ULK4: variants seen among roughly 807,000 people sequenced by gnomAD.
ULK4 encodes unc-51 like kinase 4.
In ULK4, 133 loss-of-function variants were observed where a neutral mutation model predicts 160.6. The ratio of observed to expected loss-of-function variants is 0.83; its 90% CI spans 0.72 to 0.96. The LOEUF (loss-of-function observed/expected upper bound fraction) is 0.96. Ranked by LOEUF, ULK4 falls within the 40% of genes least tolerant of loss-of-function variation. The pLI is 0.00. For synonymous variants in ULK4, 534 were observed against 539.8 expected (o/e 0.99, Z 0.15); for missense variants, 1,580 against 1,499.5 (o/e 1.05, Z -0.89).
intron 35 of ULK4, among the ~76,000 whole-genome samples, chr3:41,274,318 C>T (rs930117158): frequency 6.6e-6 from 1 of 152,070 alleles, no homozygotes; most frequent in South Asian, 2.1e-4. Context: ...GTGATATTTC[C>T]AGGTTTCACT....
intron 22 of ULK4, among the ~76,000 whole-genome samples, chr3:41,722,026 C>T (rs1225503149): frequency 6.6e-6 from 1 of 152,150 alleles, no homozygotes; most frequent in Non-Finnish European, 1.5e-5. Context: ...CACTTTCAGA[C>T]AGTGTGATCT....
chr3:41,947,252 G>A (rs1319105995), intron 2 of ULK4, among the ~76,000 whole-genome samples: 8 of 152,106 alleles, frequency 5.3e-5, no homozygotes, highest in African/African-American at 1.2e-4. Flanking sequence ...CGGAGCTTGC[G>A]GTGAGCCGAG....
At chr3:41,545,713 T>C (rs1015872965) in intron 32 of ULK4, among the ~76,000 whole-genome samples, 6 of 151,914 alleles carry the variant, frequency 3.9e-5, no homozygotes, top group African/African-American at 1.5e-4. Context: ...TTTAAATTCT[T>C]TTTCTGCCCC....
intron 18 of ULK4, among the ~76,000 whole-genome samples, chr3:41,832,751 TG>T (rs1385085558): frequency 6.6e-6 from 1 of 152,252 alleles, no homozygotes; most frequent in Non-Finnish European, 1.5e-5. Context: ...TTCAGTTTTC[TG>T]CATATGGCTG....
intron 7 of ULK4, among the ~76,000 whole-genome samples, chr3:41,916,938 C>T (rs1476851582): frequency 6.6e-6 from 1 of 151,902 alleles, no homozygotes; most frequent in Non-Finnish European, 1.5e-5. Context: ...GAACTCTTGA[C>T]CTCAGGTGAT....
intron 31 of ULK4, 103 bp downstream of exon 31, chr3:41,615,566 T>C: frequency 9.0e-7 from 1 of 1,114,136 alleles, no homozygotes; most frequent in Non-Finnish European, 1.3e-6. Context: ...CGTACAATCC[T>C]TCAGGGCAGA....
chr3:41,868,366 T>C (rs1696971806), intron 17 of ULK4, among the ~76,000 whole-genome samples: 1 of 152,252 alleles, frequency 6.6e-6, no homozygotes, highest in South Asian at 2.1e-4. Context: ...ACTCCCTTAA[T>C]TTCTACTGTT....
intron 21 of ULK4, chr3:41,767,000 G>C (rs2039187213): frequency 6.6e-6 from 1 of 152,124 alleles, no homozygotes; most frequent in Non-Finnish European, 1.5e-5. Context: ...CAGTGTGCTT[G>C]GCTAACTGTG....
At chr3:41,841,677 T>C (rs1324406263) in intron 17 of ULK4, among the ~76,000 whole-genome samples, 1 of 150,930 alleles carries the variant, frequency 6.6e-6, no homozygotes, top group Non-Finnish European at 1.5e-5. Flanking sequence ...ATGATGACGA[T>C]GGCGGTTTTG....
chr3:41,877,551 G>A (rs972723153), intron 17 of ULK4, among the ~76,000 whole-genome samples: 1 of 151,892 alleles, frequency 6.6e-6, no homozygotes, highest in Non-Finnish European at 1.5e-5. Context: ...GGTCTCGAAC[G>A]CCTGAACTCA....
intron 35 of ULK4, among the ~76,000 whole-genome samples, chr3:41,302,875 T>C (rs2079827487): frequency 6.6e-6 from 1 of 152,216 alleles, no homozygotes; most frequent in Non-Finnish European, 1.5e-5. Flanking sequence ...TAGACAAGTT[T>C]ATTTAAATGT....
intron 20 of ULK4, among the ~76,000 whole-genome samples, chr3:41,793,750 T>C (rs1404766884): frequency 1.3e-5 from 2 of 152,218 alleles, no homozygotes; most frequent in African/African-American, 4.8e-5. Flanking sequence ...TGGTTCTCAC[T>C]ATGGTCCCTA....
chr3:41,333,195 C>G (rs1214643968), intron 35 of ULK4, among the ~76,000 whole-genome samples: 1 of 152,084 alleles, frequency 6.6e-6, no homozygotes, highest in Non-Finnish European at 1.5e-5. Context: ...CAAATGTGGC[C>G]TAGACAGTTT....
intron 30 of ULK4, among the ~76,000 whole-genome samples, chr3:41,616,689 C>T (rs576622792): frequency 1.3e-5 from 2 of 152,168 alleles, no homozygotes; most frequent in Non-Finnish European, 2.9e-5. Context: ...GTTTCAAGCA[C>T]AAAACTGGGA....
At chr3:41,900,955 C>G (rs1194679542) in intron 12 of ULK4, 126 bp from the exon 13 acceptor site, 1 of 608,970 alleles carries the variant, frequency 1.6e-6, no homozygotes, top group African/African-American at 1.8e-5. Context: ...ACTTCAACTG[C>G]TATTCAAGAT....
At chr3:41,294,799 A>T (rs1376069189) in intron 35 of ULK4, among the ~76,000 whole-genome samples, 2 of 152,222 alleles carry the variant, frequency 1.3e-5, no homozygotes, top group African/African-American at 4.8e-5. Flanking sequence ...AATTTAAAAA[A>T]ACCTAAATAA....
intron 31 of ULK4, among the ~76,000 whole-genome samples, chr3:41,575,914 A>G (rs1477784850): frequency 6.6e-6 from 1 of 152,218 alleles, no homozygotes; most frequent in East Asian, 1.9e-4. Flanking sequence ...TCGAGGCAGA[A>G]GCAGTGGGCC....
chr3:41,715,782 T>G (rs2037245714), intron 23 of ULK4, among the ~76,000 whole-genome samples: 1 of 152,004 alleles, frequency 6.6e-6, no homozygotes, highest in Admixed American at 6.6e-5. Context: ...ATAAATAAAC[T>G]TAACGTCTCA....
At chr3:41,882,169 T>C (rs1429551121) in intron 17 of ULK4, 20 of 702,054 alleles carry the variant, frequency 2.8e-5, no homozygotes, top group Middle Eastern at 4.6e-4. Context: ...TACAGTTTTA[T>C]TTATTTTGAA....
Sources: allele counts gnomAD v4.1 joint callset (sites outside exome capture counted in the v4.1 genomes callset), GRCh38; gene constraint gnomAD v4.1.1; transcripts MANE v1.5; gene names NCBI Gene and HGNC (gene_info 2026-07-23, HGNC 2026-07-21).